The following ATP2C1 variants were observed in gnomAD, a reference collection of about 807,000 sequenced individuals.
ATP2C1 encodes calcium-transporting ATPase type 2C member 1.
ATP2C1 carries 31 observed loss-of-function variants against 120.5 expected under a neutral mutation model. The ratio of observed to expected loss-of-function variants is 0.26; its 90% CI spans 0.19 to 0.35. The LOEUF (loss-of-function observed/expected upper bound fraction) is 0.35. Ranked by LOEUF, ATP2C1 falls within the 10% of genes least tolerant of loss-of-function variation. ATP2C1 has a pLI of 1.00. For missense variants in ATP2C1, 731 were observed against 1,107.5 expected (o/e 0.66, Z 4.83); for synonymous variants, 351 against 358.7 (o/e 0.98, Z 0.24).
upstream of ATP2C1, chr3:130,894,079 G>C: frequency 4.1e-6 from 4 of 981,768 alleles, no homozygotes; most frequent in Non-Finnish European, 4.8e-6. The surrounding 1 kb of genome is among the most constrained non-coding windows in gnomAD (Gnocchi z 4.5). Context: ...GTCGGAGGCG[G>C]GAGCAGACCA....
Position 130,979,428 on chromosome 3 carries a change from A to G in ATP2C1, c.1741+9A>G, listed in dbSNP as rs763169087. ...GACTGCAGTTGCAATCGGTATAACT[A>G]GACTGCTTTCTTTTGTTTTCGATAG... On this transcript the variant is annotated intron_variant, in intron 19 of 27. Transcript: ENST00000510168. 7 of 1,612,808 alleles carry G rather than the reference A, an allele frequency of 4.3e-6. No homozygotes were observed. In the African/African-American group the frequency reaches 5.3e-5, roughly 12 times the overall value.
rs2069726786 is a variant in ATP2C1, at chr3:130,897,418, T to A, written c.6+2643T>A. On this transcript the variant is annotated intron_variant, in intron 2 of 27. Coordinates refer to ENST00000510168, the MANE Select transcript of ATP2C1 (RefSeq NM_001378687.1). ...CATCTGTAAATGAGATAATGCCCTCTTGCAAAGTTGATGTGAGTAATAAAT... is the reference window on the plus strand; with the variant it reads ...CATCTGTAAATGAGATAATGCCCTCATGCAAAGTTGATGTGAGTAATAAAT... Among the ~76,000 whole-genome samples the A allele has an allele frequency of 3.9e-5, 6 of 152,198 alleles. No individual in the cohort carries two copies. The South Asian group carries it at 1.2e-3, about 32-fold the overall frequency.
chr3:130,905,971 T>G (rs2058102121), intron 2 of ATP2C1, among the ~76,000 whole-genome samples: 1 of 152,100 alleles, frequency 6.6e-6, no homozygotes, highest in Non-Finnish European at 1.5e-5. Context: ...TTATTTGTTC[T>G]GTATGCACAG....
chr3:131,014,199 TG>T (rs1180837779), intron 26 of ATP2C1: 5 of 1,613,480 alleles, frequency 3.1e-6, no homozygotes, highest in Non-Finnish European at 8.5e-7. Context: ...CTGTTTCTTC[TG>T]CCTTTTTTTT....
chr3:131,002,071 A>C lies in ATP2C1; in HGVS notation c.*721A>C. The C allele has an allele frequency of 1.0e-6, 1 of 985,664 alleles. No homozygotes were observed. 61.1% of individuals were successfully genotyped at this position (985,664 alleles called of 1,614,324 possible). ...TGGCAGAATTCATGCAGGGCTATCA[A>C]GTGGTGTTCTAGGGTAACAGTGTCC... On this transcript the variant is annotated 3_prime_UTR_variant, in exon 28 of 28. Transcript: ENST00000510168.
chr3:130,924,630 G>C (rs2059121568), intron 2 of ATP2C1, among the ~76,000 whole-genome samples: 1 of 152,004 alleles, frequency 6.6e-6, no homozygotes, highest in Non-Finnish European at 1.5e-5. Flanking sequence ...GCAAGACCGG[G>C]GAAGTTTTCC....
At chr3:130,922,890 T>C (rs977199979) in intron 2 of ATP2C1, among the ~76,000 whole-genome samples, 16 of 152,362 alleles carry the variant, frequency 1.1e-4, no homozygotes, top group Admixed American at 9.1e-4. Flanking sequence ...TGGCCTGTCT[T>C]GGAGAATGTT....
intron 1 of ATP2C1, among the ~76,000 whole-genome samples, chr3:130,851,115 C>A (rs2067661551): frequency 6.6e-6 from 1 of 152,190 alleles, no homozygotes; most frequent in South Asian, 2.1e-4. Context: ...AAACTTGGAA[C>A]ATTCAGATCC....
chr3:130,996,335 C>A (rs1577035007), intron 23 of ATP2C1: 3 of 588,028 alleles, frequency 5.1e-6, no homozygotes, highest in East Asian at 2.9e-5. Flanking sequence ...ATGTATAAAT[C>A]TTTGTGATTT....
intron 2 of ATP2C1, among the ~76,000 whole-genome samples, chr3:130,929,391 G>A (rs957719824): frequency 6.6e-6 from 1 of 152,116 alleles, no homozygotes; most frequent in African/African-American, 2.4e-5. Context: ...ACACTCTAAT[G>A]TAGTAGAATC....
chr3:130,997,736 T>C lies in ATP2C1; in HGVS notation c.2374T>C (p.Phe792Leu), dbSNP rs1560032556. ...SSIIIVCGTL[F>L]VFWRELRDNV... ...AATAATCATTGTTTGTGGGACTTTG[T>C]TTGTCTTCTGGCGTGAGGTATATTC... The change falls in exon 25 of 28, where the codon TTT becomes CTT. Residue 792 changes from phenylalanine to leucine, a missense_variant. By Grantham distance (22) the Phe-to-Leu change is conservative. Transcript: ENST00000510168. 3 of 1,613,648 alleles carry C rather than the reference T, an allele frequency of 1.9e-6. No homozygotes were observed. The highest frequency in any genetic ancestry group is 2.5e-6 in the Non-Finnish European group (3 of 1,179,740).
intron 1 of ATP2C1, among the ~76,000 whole-genome samples, chr3:130,883,945 C>CT (rs35365168): frequency 0.36 from 44,443 of 121,954 alleles, 8,583 homozygotes; most frequent in Non-Finnish European, 0.45. Context: ...TTCTTTTCTT[C>CT]TTTTTTTTTT....
chr3:130,950,583 G>T (rs1430472485), intron 8 of ATP2C1, among the ~76,000 whole-genome samples: 1 of 152,118 alleles, frequency 6.6e-6, no homozygotes, highest in Non-Finnish European at 1.5e-5. Context: ...ACTATTAAGA[G>T]AAAATAACTT....
intron 22 of ATP2C1, among the ~76,000 whole-genome samples, chr3:130,995,304 A>C (rs1031815487): frequency 1.3e-5 from 2 of 151,430 alleles, no homozygotes; most frequent in African/African-American, 4.9e-5. Context: ...GGTCTCAGCT[A>C]CTCTAGAGGC....
At position 130,942,164 on chromosome 3, in the gene ATP2C1, A is replaced by G. The variant is rs75855254; in HGVS notation, c.531+465A>G. Among the ~76,000 whole-genome samples the G allele has an allele frequency of 8.3e-3, 1,259 of 152,360 alleles. 16 individuals are homozygous for G. The highest frequency in any genetic ancestry group is 0.029 in the African/African-American group (1,194 of 41,588). The stretch of plus-strand genomic sequence containing the variant: ...AGTGATAATTGAAGAGTAGTACTGG[A>G]CAAAGATGGGGAAGACAATGAAGCA... On this transcript the variant is annotated intron_variant, in intron 8 of 27. Transcript: ENST00000510168.
Position 130,918,110 on chromosome 3 carries a change from A to G in ATP2C1, c.7-12306A>G, listed in dbSNP as rs545674313. ...AGCCAGCCTATCCGAGTACAGGGTA[A>G]TATATAGTACTTAATGCTGGTAGAA... On this transcript the variant is annotated intron_variant, in intron 2 of 27. Transcript: ENST00000510168. 4.2e-4 allele frequency: 287 copies of G among 683,804 alleles called. 2 individuals are homozygous for G. In the South Asian group the frequency reaches 4.2e-3, roughly 10 times the overall value. The allele number at this position is 683,804 out of a possible 1,614,324, so 42.4% of individuals were successfully genotyped here. A position where few individuals can be genotyped will look rare whatever the true frequency, so the allele number is the denominator to read the frequency against.
Position 130,861,162 on chromosome 3 carries a change from G to A in ATP2C1, c.108+10234G>A, listed in dbSNP as rs145434810. Among the ~76,000 whole-genome samples the A allele has an allele frequency of 8.4e-3, 1,278 of 152,196 alleles. 26 individuals are homozygous for A. Among genetic ancestry groups the A allele is most frequent in the African/African-American group, 0.028 (1,173 of 41,514 alleles). On this transcript the variant is annotated intron_variant, in intron 1 of 26. Coordinates refer to the ATP2C1 transcript ENST00000504381. ...CATGCACCTGTAGTCCTAGTTACTC[G>A]GGAGGCTGAGGCAGGAGGATCACTT... is the stretch of plus-strand genomic sequence containing the variant.
Position 130,894,518 on chromosome 3 carries a change from G to A in ATP2C1, c.-180-72G>A, listed in dbSNP as rs951311479. The A allele has an allele frequency of 7.9e-6, 11 of 1,393,318 alleles. No individual in the cohort carries two copies. The highest frequency in any genetic ancestry group is 1.5e-5 in the African/African-American group (1 of 68,720). The allele number at this position is 1,393,318 out of a possible 1,614,324, so 86.3% of individuals were successfully genotyped here. A position where few individuals can be genotyped will look rare whatever the true frequency, so the allele number is the denominator to read the frequency against. On this transcript the variant is annotated intron_variant, in intron 1 of 27. Coordinates refer to ENST00000510168, the MANE Select transcript of ATP2C1 (RefSeq NM_001378687.1). This position sits in a 1 kb window ranked among gnomAD's most constrained non-coding sequence, Gnocchi z 4.5. ...CGGGATCTTGGGGAGGGGGGCTCCC[G>A]AGATAGTGGCTGGGCGGGGAACTCC...
chr3:130,970,635 C>T (rs1255557999), intron 17 of ATP2C1, among the ~76,000 whole-genome samples: 2 of 152,052 alleles, frequency 1.3e-5, no homozygotes, highest in African/African-American at 4.8e-5. Context: ...CTCACATGAT[C>T]CTCCACCTTG....
Sources: allele counts gnomAD v4.1 joint callset (sites outside exome capture counted in the v4.1 genomes callset), GRCh38; gene constraint gnomAD v4.1.1; non-coding constraint Gnocchi (gnomAD v3.1); transcripts MANE v1.5; gene names NCBI Gene and HGNC (gene_info 2026-07-23, HGNC 2026-07-21).